KPNA3: variants seen among roughly 807,000 people sequenced by gnomAD.
KPNA3 encodes the protein importin subunit alpha-4.
A neutral mutation model predicts 73.8 loss-of-function variants in KPNA3; 13 were observed. That is an observed-to-expected ratio of 0.18 (90% CI 0.11 to 0.28). The LOEUF (loss-of-function observed/expected upper bound fraction) is 0.28, where lower values mean the gene tolerates loss of function less well. Among genes scored for constraint, KPNA3 ranks in the 10% least tolerant of loss-of-function variants. KPNA3 has a pLI of 1.00. For missense variants in KPNA3, 360 were observed against 618.1 expected (o/e 0.58, Z 4.43); for synonymous variants, 186 against 206.9 (o/e 0.90, Z 0.87).
At chr13:49,767,799 C>T (rs1222927129) in intron 1 of KPNA3, among the ~76,000 whole-genome samples, 3 of 152,164 alleles carry the variant, frequency 2.0e-5, no homozygotes, top group Non-Finnish European at 2.9e-5. Context: ...AAGTACCTTC[C>T]ATAACAAGTC....
intron 7 of KPNA3, among the ~76,000 whole-genome samples, chr13:49,725,086 T>G (rs1289248762): frequency 6.6e-6 from 1 of 152,220 alleles, no homozygotes; most frequent in Non-Finnish European, 1.5e-5. Context: ...TTAGCCCATC[T>G]TGAGGAAAGT....
chr13:49,748,524 T>C (rs1205413602), intron 1 of KPNA3, among the ~76,000 whole-genome samples: 1 of 152,122 alleles, frequency 6.6e-6, no homozygotes, highest in Non-Finnish European at 1.5e-5. Context: ...TGCTATATTT[T>C]ATTTAATAAT....
Position 49,725,515 on chromosome 13 carries a change from AT to A in KPNA3, c.384-15del. On this transcript the variant is annotated splice_polypyrimidine_tract_variant and intron_variant, in intron 6 of 16. Transcript: ENST00000261667. ...TGTAATGAAGGACTGTAAAAAAACA[AT>A]AACACATCTTTTTAGACACATAACT... 9.2e-6 allele frequency: 14 copies of A among 1,528,384 alleles called. No homozygotes were observed. Among genetic ancestry groups the A allele is most frequent in the African/African-American group, 1.4e-5 (1 of 73,278 alleles). The allele number at this position is 1,528,384 out of a possible 1,614,324, so 94.7% of individuals were successfully genotyped here.
intron 2 of KPNA3, among the ~76,000 whole-genome samples, chr13:49,746,064 GAA>G (rs398022733): frequency 7.7e-4 from 64 of 83,036 alleles, no homozygotes; most frequent in Middle Eastern, 0.012. Context: ...CTCTGCATCA[GAA>G]AAAAAAAAAA....
intron 1 of KPNA3, among the ~76,000 whole-genome samples, chr13:49,779,620 G>A (rs7989633): frequency 0.12 from 18,142 of 152,102 alleles, 2,173 homozygotes; most frequent in East Asian, 0.58. Flanking sequence ...GTTTAGCCTA[G>A]TCAACACCAC....
At chr13:49,740,896 T>A (rs1954567658) in intron 2 of KPNA3, among the ~76,000 whole-genome samples, 1 of 152,192 alleles carries the variant, frequency 6.6e-6, no homozygotes, top group Non-Finnish European at 1.5e-5. Context: ...TGAGAGCATG[T>A]GATACTTGCC....
At chr13:49,765,777 G>C (rs1043921684) in intron 1 of KPNA3, among the ~76,000 whole-genome samples, 4 of 152,194 alleles carry the variant, frequency 2.6e-5, no homozygotes, top group Admixed American at 2.0e-4. Flanking sequence ...TAAAATGTCA[G>C]ATGTCAGACG....
intron 1 of KPNA3, among the ~76,000 whole-genome samples, chr13:49,757,922 G>C (rs1954725561): frequency 1.3e-5 from 2 of 152,122 alleles, no homozygotes; most frequent in Admixed American, 6.5e-5. Flanking sequence ...GGGGAAACTG[G>C]AGAAAGGATA....
At chr13:49,787,978 C>T (rs1226721661) in intron 1 of KPNA3, among the ~76,000 whole-genome samples, 1 of 152,186 alleles carries the variant, frequency 6.6e-6, no homozygotes, top group East Asian at 1.9e-4. Flanking sequence ...TTGCGCCCAG[C>T]CGCTTAGCAT....
intron 15 of KPNA3, among the ~76,000 whole-genome samples, chr13:49,703,470 GCA>G (rs1476963613): frequency 5.3e-5 from 8 of 152,154 alleles, no homozygotes; most frequent in Non-Finnish European, 8.8e-5. Context: ...GTGAGCCACT[GCA>G]CCCGGCCAAT....
intron 2 of KPNA3, among the ~76,000 whole-genome samples, chr13:49,745,074 T>C (rs1489296667): frequency 6.6e-6 from 1 of 152,168 alleles, no homozygotes; most frequent in Non-Finnish European, 1.5e-5. Context: ...ATTTATCTAG[T>C]GTTCACCTCC....
At chr13:49,733,234 C>T (rs1954486297) in intron 2 of KPNA3, among the ~76,000 whole-genome samples, 188 bp from the exon 3 acceptor site, 1 of 151,358 alleles carries the variant, frequency 6.6e-6, no homozygotes, top group South Asian at 2.1e-4. Flanking sequence ...AACAAAATTT[C>T]CTGGCTGGCT....
At chr13:49,744,297 T>C (rs1191748007) in intron 2 of KPNA3, among the ~76,000 whole-genome samples, 2 of 152,226 alleles carry the variant, frequency 1.3e-5, no homozygotes, top group Non-Finnish European at 2.9e-5. Flanking sequence ...AGCTCATTTC[T>C]CTGGTCTAAA....
At chr13:49,728,628 T>C (rs970039170) in intron 6 of KPNA3, among the ~76,000 whole-genome samples, 4 of 152,180 alleles carry the variant, frequency 2.6e-5, no homozygotes, top group African/African-American at 9.7e-5. Context: ...GAAGCAAAAG[T>C]GGACTGGTCA....
intron 2 of KPNA3, among the ~76,000 whole-genome samples, chr13:49,742,606 T>C (rs962583411): frequency 1.3e-5 from 2 of 152,246 alleles, no homozygotes; most frequent in African/African-American, 2.4e-5. Context: ...TGTGGTTTCA[T>C]ATAAATTTTA....
Position 49,732,937 on chromosome 13 carries a change from A to G in KPNA3, c.204+20T>C, listed in dbSNP as rs1449546588. ...CTATAAAAATTATTTTAAAATCACT[A>G]TTAAAACATGGTAACTTACTGCTTT... is the stretch of plus-strand genomic sequence containing the variant. On this transcript the variant is annotated intron_variant, in intron 3 of 16. Coordinates refer to ENST00000261667, the MANE Select transcript of KPNA3 (RefSeq NM_002267.4). The G allele has an allele frequency of 5.3e-6, 8 of 1,523,186 alleles. No homozygotes were observed. The Middle Eastern group carries it at 5.1e-4, about 97-fold the overall frequency. The allele number at this position is 1,523,186 out of a possible 1,614,324, so 94.4% of individuals were successfully genotyped here.
intron 1 of KPNA3, among the ~76,000 whole-genome samples, chr13:49,757,250 A>G (rs902451829): frequency 7.9e-6 from 1 of 126,648 alleles, no homozygotes; most frequent in Non-Finnish European, 1.7e-5. Context: ...ATAAAAAGAG[A>G]AGCTAGAGAC....
At chr13:49,736,411 T>A (rs1954521391) in intron 2 of KPNA3, among the ~76,000 whole-genome samples, 1 of 152,232 alleles carries the variant, frequency 6.6e-6, no homozygotes, top group African/African-American at 2.4e-5. Context: ...ACTGACAATC[T>A]AATGCATGTT....
rs1193174362 is a variant in KPNA3, at chr13:49,700,608, G to A, written c.*1192C>T. Reference sequence around the variant, plus strand: ...TCTGAATCTTTTAATATGTGAAGATGCTTTTTGAGTAGGATCTGAATTAAC... The same window carrying A: ...TCTGAATCTTTTAATATGTGAAGATACTTTTTGAGTAGGATCTGAATTAAC... On this transcript the variant is annotated 3_prime_UTR_variant, in exon 17 of 17. Transcript: ENST00000261667. 6.6e-6 allele frequency: 1 copy of A among 152,590 alleles called. No homozygotes were observed. Among genetic ancestry groups the A allele is most frequent in the African/African-American group, 2.4e-5 (1 of 41,438 alleles). 9.5% of individuals were successfully genotyped at this position (152,590 alleles called of 1,614,324 possible). A position where few individuals can be genotyped will look rare whatever the true frequency, so the allele number is the denominator to read the frequency against.
Sources: allele counts gnomAD v4.1 joint callset (sites outside exome capture counted in the v4.1 genomes callset), GRCh38; gene constraint gnomAD v4.1.1; transcripts MANE v1.5; gene names NCBI Gene and HGNC (gene_info 2026-07-23, HGNC 2026-07-21).